The following NLRP14 variants were observed in gnomAD, a reference collection of about 807,000 sequenced individuals.
NLRP14 encodes the protein NLR family pyrin domain containing 14, also known as NACHT, LRR and PYD domains-containing protein 14.
In NLRP14, 105 loss-of-function variants were observed where a neutral mutation model predicts 94.7. That is an observed-to-expected ratio of 1.11 (90% CI 0.95 to 1.30). The LOEUF (loss-of-function observed/expected upper bound fraction) is 1.30. NLRP14 is among the 50% of genes most tolerant of loss of function. NLRP14 has a pLI of 0.00. For synonymous variants in NLRP14, 508 were observed against 459.9 expected (o/e 1.10, Z -1.34); for missense variants, 1,362 against 1,254.1 (o/e 1.09, Z -1.30).
the NLRP14 span, among the ~76,000 whole-genome samples, chr11:7,076,671 C>G: frequency 1.4e-4 from 22 of 152,100 alleles, no homozygotes; most frequent in African/African-American, 5.3e-4. Context: ...CCTTTCCTAC[C>G]AAAGCACCGT....
chr11:7,035,310 G>A (rs565659287), intron 1 of NLRP14, among the ~76,000 whole-genome samples: 10 of 152,240 alleles, frequency 6.6e-5, no homozygotes, highest in Admixed American at 1.3e-4. Flanking sequence ...GGGCGACAGA[G>A]CGAGACTCCA....
At position 7,071,422 on chromosome 11, in the gene NLRP14, T is replaced by C; in HGVS notation, c.*114T>C. 1 of 786,784 alleles carries C rather than the reference T, an allele frequency of 1.3e-6. No individual in the cohort carries two copies. The highest frequency in any genetic ancestry group is 2.1e-6 in the Non-Finnish European group (1 of 471,624). 48.7% of individuals were successfully genotyped at this position (786,784 alleles called of 1,614,324 possible). A position where few individuals can be genotyped will look rare whatever the true frequency, so the allele number is the denominator to read the frequency against. ...TACTCTATGCCCAGAGATAGTGCAC[T>C]TGGCAGCTGTCAGATACCATTCATC... On this transcript the variant is annotated 3_prime_UTR_variant, in exon 12 of 12. Coordinates refer to ENST00000299481, the MANE Select transcript of NLRP14 (RefSeq NM_176822.4).
the NLRP14 span, among the ~76,000 whole-genome samples, chr11:7,082,626 G>A: frequency 2.0e-5 from 3 of 152,080 alleles, no homozygotes; most frequent in African/African-American, 2.4e-5. Flanking sequence ...TTGAGTTTCC[G>A]TCATTACAGA....
intron 1 of NLRP14, among the ~76,000 whole-genome samples, chr11:7,036,580 G>A (rs149903405): frequency 3.3e-5 from 5 of 152,250 alleles, no homozygotes; most frequent in African/African-American, 7.2e-5. Context: ...AGGTGCATGC[G>A]TTAGCTTTTT....
intron 4 of NLRP14, among the ~76,000 whole-genome samples, chr11:7,045,484 A>AAT (rs1589863545): frequency 6.6e-6 from 1 of 152,190 alleles, no homozygotes; most frequent in East Asian, 1.9e-4. Flanking sequence ...TCTCTTCTAT[A>AAT]ATATAACTAC....
At chr11:7,021,964 A>T (rs1851950598) in intron 1 of NLRP14, among the ~76,000 whole-genome samples, 1 of 151,970 alleles carries the variant, frequency 6.6e-6, no homozygotes, top group Non-Finnish European at 1.5e-5. Context: ...GAAAAAAAAA[A>T]AGCTAAGAGG....
intron 3 of NLRP14, among the ~76,000 whole-genome samples, chr11:7,041,631 A>T (rs1852251668): frequency 6.6e-6 from 1 of 152,212 alleles, no homozygotes; most frequent in South Asian, 2.1e-4. Context: ...GACACTGACC[A>T]TGCAATGATG....
intron 1 of NLRP14, among the ~76,000 whole-genome samples, chr11:7,021,721 G>T (rs1851941556): frequency 6.6e-6 from 1 of 151,802 alleles, no homozygotes; most frequent in Non-Finnish European, 1.5e-5. Context: ...CATGTGCCAT[G>T]TTGGTGTGCT....
chr11:7,070,264 C>T (rs1852770300), intron 10 of NLRP14, 22 bp from the exon 11 acceptor site: 2 of 1,580,146 alleles, frequency 1.3e-6, no homozygotes, highest in Non-Finnish European at 1.7e-6. Context: ...TCATTTTTAT[C>T]TTTTGTCTCT....
At chr11:7,057,916 A>G in intron 7 of NLRP14, 69 bp downstream of exon 7, 1 of 1,306,124 alleles carries the variant, frequency 7.7e-7, no homozygotes, top group Non-Finnish European at 1.1e-6. Context: ...TTGTGATCTG[A>G]TAGGGAAACT....
intron 6 of NLRP14, among the ~76,000 whole-genome samples, chr11:7,054,796 T>A (rs1852495959): frequency 6.6e-6 from 1 of 152,202 alleles, no homozygotes; most frequent in Non-Finnish European, 1.5e-5. Flanking sequence ...GTGCAGAAGC[T>A]TTTTAACTTG....
chr11:7,080,507 A>G, the NLRP14 span, among the ~76,000 whole-genome samples: 8 of 152,164 alleles, frequency 5.3e-5, no homozygotes, highest in African/African-American at 1.7e-4. Context: ...TCTTTCCACA[A>G]TGTCAGGCTT....
the NLRP14 span, among the ~76,000 whole-genome samples, chr11:7,085,590 G>A: frequency 2.6e-5 from 4 of 152,128 alleles, no homozygotes; most frequent in Non-Finnish European, 4.4e-5. Flanking sequence ...ATTTTATTAT[G>A]TGTATATAGA....
At position 7,062,430 on chromosome 11, in the gene NLRP14, G is replaced by T; in HGVS notation, c.2902G>T (p.Asp968Tyr). 17 of 1,613,246 alleles carry T rather than the reference G, an allele frequency of 1.1e-5. No individual in the cohort carries two copies. Among genetic ancestry groups the T allele is most frequent in the Non-Finnish European group, 1.4e-5 (16 of 1,179,404 alleles). ...NLRSLDLGNN[D>Y]LQDDGVKILC... ...GAGGAGCCTGGACCTTGGGAACAAC[G>T]ATTTGCAGGATGATGGAGTGAAAAT... The change falls in exon 10 of 12, where the codon GAT (aspartate) becomes TAT (tyrosine). Residue 968 changes from aspartate to tyrosine, a missense_variant. By Grantham distance (160) the Asp-to-Tyr change is radical (BLOSUM62 -3). Coordinates refer to ENST00000299481, the MANE Select transcript of NLRP14 (RefSeq NM_176822.4).
At chr11:7,075,496 C>T (rs1167891595), downstream of NLRP14, among the ~76,000 whole-genome samples, 7 of 152,212 alleles carry the variant, frequency 4.6e-5, no homozygotes, top group East Asian at 1.2e-3. Flanking sequence ...AGTTTTATAA[C>T]ATGATGAGGA....
At position 7,061,087 on chromosome 11, in the gene NLRP14, A is replaced by G. The variant is rs566343912; in HGVS notation, c.2804+1023A>G. On this transcript the variant is annotated intron_variant, in intron 9 of 11. Transcript: ENST00000299481. The stretch of plus-strand genomic sequence containing the variant: ...CCCCAACATAGTTTTTTAGAGCTAT[A>G]AAGTCAAGCTCTTTGGTTGACCCAG... Among the ~76,000 whole-genome samples the G allele has an allele frequency of 6.6e-5, 10 of 152,192 alleles. No individual in the cohort carries two copies. In the East Asian group the frequency reaches 1.5e-3, roughly 23 times the overall value.
intron 1 of NLRP14, among the ~76,000 whole-genome samples, chr11:7,031,993 G>A (rs935119039): frequency 6.6e-6 from 1 of 152,080 alleles, no homozygotes; most frequent in African/African-American, 2.4e-5. Context: ...ACCCAAAATT[G>A]CTCTCTCTAT....
chr11:7,064,958 A>G (rs1229911810), intron 10 of NLRP14, among the ~76,000 whole-genome samples: 1 of 151,892 alleles, frequency 6.6e-6, no homozygotes, highest in Non-Finnish European at 1.5e-5. Context: ...CCTGTTTGTA[A>G]TTCCCAGTTC....
rs754102826 is a variant in NLRP14, at chr11:7,062,438, G to GA, written c.2910_2911insA (p.Asp971ArgfsTer2). 5.0e-6 allele frequency: 8 copies of GA among 1,613,266 alleles called. No homozygotes were observed. In the South Asian group the frequency reaches 8.8e-5, roughly 18 times the overall value. On this transcript the variant is annotated frameshift_variant, in exon 10 of 12. Coordinates refer to ENST00000299481, the MANE Select transcript of NLRP14 (RefSeq NM_176822.4). LOFTEE classifies it high-confidence loss of function. Reference sequence around the variant, plus strand: ...TGGACCTTGGGAACAACGATTTGCAGGATGATGGAGTGAAAATTCTGTGTG... The same window carrying GA: ...TGGACCTTGGGAACAACGATTTGCAGAGATGATGGAGTGAAAATTCTGTGTG...
Sources: allele counts gnomAD v4.1 joint callset (sites outside exome capture counted in the v4.1 genomes callset), GRCh38; gene constraint gnomAD v4.1.1; transcripts MANE v1.5; gene names NCBI Gene and HGNC (gene_info 2026-07-23, HGNC 2026-07-21).